PRDM5: variants seen among roughly 807,000 people sequenced by gnomAD.
PRDM5 encodes PR/SET domain 5.
In PRDM5, 56 loss-of-function variants were observed where a neutral mutation model predicts 81.2. That is an observed-to-expected ratio of 0.69 (90% CI 0.56 to 0.86). The LOEUF is 0.86. PRDM5 is among the 40% of genes least tolerant of loss of function. The probability of loss-of-function intolerance (pLI) is 0.00; values close to 1 mark genes in which losing one functional copy is unlikely to be tolerated. For synonymous variants in PRDM5, 267 were observed against 256.4 expected (o/e 1.04, Z -0.39); for missense variants, 697 against 770.1 (o/e 0.91, Z 1.12).
rs994781507 is a variant in PRDM5, at chr4:120,866,360, T to C, written c.178-12820A>G. On this transcript the variant is annotated intron_variant, in intron 2 of 15. Transcript: ENST00000264808. ...AAGATTCCTATTTGGGTCAACATCA[T>C]GTTACTTTTACAAACATGTGCTTTG... 4.6e-5 allele frequency among the ~76,000 whole-genome samples: 7 copies of C among 152,376 alleles called. No individual in the cohort carries two copies. The East Asian group carries it at 5.8e-4, about 13-fold the overall frequency.
intron 2 of PRDM5, among the ~76,000 whole-genome samples, chr4:120,891,822 G>A (rs1279513131): frequency 2.0e-5 from 3 of 152,022 alleles, no homozygotes; most frequent in African/African-American, 4.8e-5. Context: ...TAGACACAGG[G>A]TTTCGTTATG....
chr4:120,717,338 T>G (rs150744157), intron 14 of PRDM5, among the ~76,000 whole-genome samples: 2,081 of 152,306 alleles, frequency 0.014, 23 homozygotes, highest in Non-Finnish European at 0.022. Context: ...CTCATCAGTC[T>G]AGCTTTAATC....
At chr4:120,808,539 C>T (rs1232094055) in intron 8 of PRDM5, among the ~76,000 whole-genome samples, 1 of 152,180 alleles carries the variant, frequency 6.6e-6, no homozygotes. Context: ...AGGAGCCCAG[C>T]TGGCTTCACC....
At chr4:120,750,718 A>ACACACG (rs1240938492) in intron 14 of PRDM5, among the ~76,000 whole-genome samples, 7,604 of 149,818 alleles carry the variant, frequency 0.051, 269 homozygotes, top group Non-Finnish European at 0.074. Flanking sequence ...ACACACACAC[A>ACACACG]CGCGCACACA....
At chr4:120,897,257 C>G (rs985634758) in intron 2 of PRDM5, among the ~76,000 whole-genome samples, 13 of 152,154 alleles carry the variant, frequency 8.5e-5, no homozygotes, top group Non-Finnish European at 1.9e-4. Flanking sequence ...ATAAAGCATT[C>G]TAGATTGGCA....
intron 11 of PRDM5, among the ~76,000 whole-genome samples, chr4:120,784,780 T>C (rs555069005): frequency 1.3e-5 from 2 of 151,832 alleles, no homozygotes; most frequent in South Asian, 2.1e-4. Context: ...TTATAGAAAA[T>C]AAAATATCTC....
At chr4:120,727,372 A>C (rs1739580522) in intron 14 of PRDM5, among the ~76,000 whole-genome samples, 1 of 152,112 alleles carries the variant, frequency 6.6e-6, no homozygotes. Context: ...AAAAGGTTTG[A>C]CTTAAATGGA....
At chr4:120,860,855 T>A (rs75872214) in intron 2 of PRDM5, among the ~76,000 whole-genome samples, 17,891 of 152,168 alleles carry the variant, frequency 0.12, 1,292 homozygotes, top group East Asian at 0.17. Flanking sequence ...GGCCAGCATG[T>A]CTTCTGACAG....
At chr4:120,737,074 T>G (rs1035488271) in intron 14 of PRDM5, among the ~76,000 whole-genome samples, 1 of 152,172 alleles carries the variant, frequency 6.6e-6, no homozygotes, top group African/African-American at 2.4e-5. Context: ...CTGAGGTGTC[T>G]GCCCACCTGA....
At chr4:120,818,904 CTA>C (rs1754899866) in intron 4 of PRDM5, among the ~76,000 whole-genome samples, 1 of 152,056 alleles carries the variant, frequency 6.6e-6, no homozygotes. Flanking sequence ...CTGATGCAAA[CTA>C]TATTGAATTA....
In PRDM5 at chr4:120,726,366, G is replaced by C. The variant is rs1318485341; in HGVS notation, c.1624-15953C>G. On this transcript the variant is annotated intron_variant, in intron 14 of 15. Coordinates refer to ENST00000264808, the MANE Select transcript of PRDM5 (RefSeq NM_018699.4). ...GCCTCATGGACTCACGGATCTCAGTGCTGAATCATTCCTTTGCATGCTTAG... is the reference window on the plus strand; with the variant it reads ...GCCTCATGGACTCACGGATCTCAGTCCTGAATCATTCCTTTGCATGCTTAG... Among the ~76,000 whole-genome samples the C allele has an allele frequency of 3.9e-5, 6 of 152,124 alleles. No homozygotes were observed. The East Asian group carries it at 1.2e-3, about 29-fold the overall frequency.
intron 10 of PRDM5, among the ~76,000 whole-genome samples, chr4:120,785,343 C>G (rs1749630519): frequency 6.6e-6 from 1 of 152,024 alleles, no homozygotes; most frequent in Non-Finnish European, 1.5e-5. Flanking sequence ...TTCCTATTAT[C>G]TCAAACTGCT....
intron 8 of PRDM5, among the ~76,000 whole-genome samples, chr4:120,800,013 T>C (rs1479833076): frequency 6.6e-6 from 1 of 152,240 alleles, no homozygotes; most frequent in Non-Finnish European, 1.5e-5. Flanking sequence ...ATTAAATTTA[T>C]ACTCTGTAAA....
intron 3 of PRDM5, among the ~76,000 whole-genome samples, chr4:120,848,383 T>C (rs1758891151): frequency 6.6e-6 from 1 of 152,048 alleles, no homozygotes; most frequent in South Asian, 2.1e-4. Flanking sequence ...AACACAGGGG[T>C]TAAAAGAGTG....
In PRDM5 at chr4:120,890,302, C is replaced by T. The variant is rs145844550; in HGVS notation, c.177+17172G>A. On this transcript the variant is annotated intron_variant, in intron 2 of 15. Coordinates refer to ENST00000264808, the MANE Select transcript of PRDM5 (RefSeq NM_018699.4). ...TACACACTTTTAAATGAACAGATCT[C>T]AGGAGAACTCACTATCATAAGAACA... Among the ~76,000 whole-genome samples the T allele has an allele frequency of 3.1e-3, 469 of 152,234 alleles. 3 individuals are homozygous for T. Among genetic ancestry groups the T allele is most frequent in the African/African-American group, 0.011 (451 of 41,548 alleles).
chr4:120,882,580 C>T (rs3099888), intron 2 of PRDM5, among the ~76,000 whole-genome samples: 62,822 of 151,958 alleles, frequency 0.41, 14,676 homozygotes, highest in African/African-American at 0.65. Context: ...TAGAAAGCTA[C>T]GCAATACAGT....
chr4:120,855,945 T>C (rs1359617375), intron 2 of PRDM5, among the ~76,000 whole-genome samples: 3 of 152,238 alleles, frequency 2.0e-5, no homozygotes, highest in African/African-American at 4.8e-5. Flanking sequence ...GCACAATATA[T>C]ATCAGATGTG....
chr4:120,719,262 A>T (rs1009290521), intron 14 of PRDM5, among the ~76,000 whole-genome samples: 1 of 152,260 alleles, frequency 6.6e-6, no homozygotes, highest in Admixed American at 6.5e-5. Context: ...CCACAGAAAC[A>T]CTATAGACAG....
At chr4:120,699,478 A>G (rs1435527896) in intron 15 of PRDM5, among the ~76,000 whole-genome samples, 1 of 152,106 alleles carries the variant, frequency 6.6e-6, no homozygotes, top group Non-Finnish European at 1.5e-5. Context: ...CAATCCTAAC[A>G]GTGCCCTGAA....
Sources: gnomAD v4.1 joint callset for allele counts (sites outside exome capture counted in the v4.1 genomes callset) on GRCh38, gnomAD v4.1.1 for gene constraint, MANE v1.5 for transcripts, NCBI Gene and HGNC (gene_info 2026-07-23, HGNC 2026-07-21) for gene names.